Variants in COG5 observed in about 807,000 individuals in gnomAD.
COG5 encodes the protein component of oligomeric golgi complex 5.
COG5 carries 86 observed loss-of-function variants against 110.4 expected under a neutral mutation model. The ratio of observed to expected loss-of-function variants is 0.78; its 90% confidence interval spans 0.65 to 0.93. The LOEUF (loss-of-function observed/expected upper bound fraction) is 0.93. COG5 is among the 40% of genes least tolerant of loss of function. The pLI, the probability that COG5 is intolerant of heterozygous loss-of-function variation, is 0.00. For missense variants in COG5, 1,077 were observed against 987.0 expected (o/e 1.09, Z -1.22); for synonymous variants, 360 against 334.6 (o/e 1.08, Z -0.83).
At chr7:107,425,738 A>G (rs1793602741) in intron 6 of COG5, among the ~76,000 whole-genome samples, 1 of 152,222 alleles carries the variant, frequency 6.6e-6, no homozygotes, top group Non-Finnish European at 1.5e-5. Flanking sequence ...TGATAATACA[A>G]TAAGTCATCA....
chr7:107,264,694 AAAC>A (rs1262474269), intron 14 of COG5, among the ~76,000 whole-genome samples: 1 of 152,220 alleles, frequency 6.6e-6, no homozygotes, highest in African/African-American at 2.4e-5. Flanking sequence ...TCCTGTCTCA[AAAC>A]AACAACAAAA....
intron 10 of COG5, among the ~76,000 whole-genome samples, chr7:107,329,559 A>G (rs1016787728): frequency 6.6e-6 from 1 of 152,130 alleles, no homozygotes; most frequent in Admixed American, 6.6e-5. Context: ...ACCAAAATAT[A>G]AAAAGATAGA....
chr7:107,260,637 T>C (rs976675046), intron 14 of COG5, among the ~76,000 whole-genome samples: 3 of 151,960 alleles, frequency 2.0e-5, no homozygotes, highest in Non-Finnish European at 2.9e-5. Flanking sequence ...GTGAACCTTG[T>C]GAAAATGAAG....
chr7:107,300,953 C>T (rs918885704), intron 11 of COG5, among the ~76,000 whole-genome samples: 2 of 152,026 alleles, frequency 1.3e-5, no homozygotes, highest in African/African-American at 2.4e-5. Flanking sequence ...AAGACAGACA[C>T]ATAGATTAAT....
intron 6 of COG5, among the ~76,000 whole-genome samples, chr7:107,487,451 C>T (rs1797717204): frequency 6.6e-6 from 1 of 152,096 alleles, no homozygotes; most frequent in Non-Finnish European, 1.5e-5. Flanking sequence ...ATCCTCTCAC[C>T]TGGGACTCCC....
chr7:107,346,824 G>T (rs1180451716), intron 10 of COG5, among the ~76,000 whole-genome samples: 6 of 151,748 alleles, frequency 4.0e-5, no homozygotes, highest in African/African-American at 1.5e-4. Context: ...TTTACATTAG[G>T]TATATCTCCT....
intron 5 of COG5, among the ~76,000 whole-genome samples, chr7:107,545,779 C>CAA (rs59515448): frequency 1.6e-4 from 11 of 69,836 alleles, no homozygotes; most frequent in African/African-American, 1.8e-4. Flanking sequence ...GACTCCATCT[C>CAA]AAAAAAAAAA....
intron 14 of COG5, among the ~76,000 whole-genome samples, chr7:107,276,190 T>A (rs1804691101): frequency 6.6e-6 from 1 of 152,194 alleles, no homozygotes; most frequent in Non-Finnish European, 1.5e-5. Context: ...AACCATCAAA[T>A]AATGGTTACT....
At chr7:107,522,093 G>A (rs555771722) in intron 6 of COG5, among the ~76,000 whole-genome samples, 7 of 152,254 alleles carry the variant, frequency 4.6e-5, no homozygotes, top group African/African-American at 1.4e-4. Context: ...ACACAGGGAG[G>A]GGAACAACAC....
chr7:107,472,828 G>A (rs1342231124), intron 6 of COG5: 1 of 151,810 alleles, frequency 6.6e-6, no homozygotes, highest in African/African-American at 2.4e-5. Context: ...AATTTATGTT[G>A]AATATGATTT....
At chr7:107,435,339 T>C (rs1048169332) in intron 6 of COG5, among the ~76,000 whole-genome samples, 5 of 152,056 alleles carry the variant, frequency 3.3e-5, no homozygotes, top group South Asian at 2.1e-4. Flanking sequence ...AAGATAACAA[T>C]TGTTGAGGAG....
At chr7:107,428,745 G>C (rs1793816957) in intron 6 of COG5, among the ~76,000 whole-genome samples, 1 of 152,098 alleles carries the variant, frequency 6.6e-6, no homozygotes, top group Non-Finnish European at 1.5e-5. Flanking sequence ...TGAAGCTATA[G>C]ACCAAAAGAG....
At chr7:107,278,798 A>C (rs1804917674) in intron 14 of COG5, among the ~76,000 whole-genome samples, 1 of 152,202 alleles carries the variant, frequency 6.6e-6, no homozygotes, top group Non-Finnish European at 1.5e-5. Context: ...AAGATGGATT[A>C]AAGACTTAAA....
At chr7:107,329,316 CATAAAGAGAT>C (rs1473920228) in intron 10 of COG5, among the ~76,000 whole-genome samples, 2 of 151,720 alleles carry the variant, frequency 1.3e-5, no homozygotes, top group South Asian at 2.1e-4. Context: ...CCTTGGGAGA[CATAAAGAGAT>C]ATAAAGTAGA....
chr7:107,400,629 T>C (rs1397483508), intron 7 of COG5, among the ~76,000 whole-genome samples: 1 of 152,152 alleles, frequency 6.6e-6, no homozygotes, highest in Non-Finnish European at 1.5e-5. Context: ...TTCACATGAA[T>C]AACTGAAATG....
At chr7:107,334,698 G>A (rs1312714581) in intron 10 of COG5, among the ~76,000 whole-genome samples, 5 of 151,752 alleles carry the variant, frequency 3.3e-5, no homozygotes, top group African/African-American at 1.2e-4. Flanking sequence ...GCTTCAAAAA[G>A]GAAGAAGACA....
At chr7:107,554,179 G>A (rs2129176902) in intron 3 of COG5, 106 bp downstream of exon 3, 1 of 906,726 alleles carries the variant, frequency 1.1e-6, no homozygotes, top group East Asian at 2.5e-5. Flanking sequence ...AACAGAGACT[G>A]TATGGCTGGC....
At chr7:107,312,270 C>T (rs541470424) in intron 11 of COG5, among the ~76,000 whole-genome samples, 54 of 152,220 alleles carry the variant, frequency 3.5e-4, no homozygotes, top group Admixed American at 3.3e-4. Flanking sequence ...ATATTTAACA[C>T]TTTAGGGATC....
chr7:107,436,026 T>C (rs1224272386), intron 6 of COG5, among the ~76,000 whole-genome samples: 1 of 152,118 alleles, frequency 6.6e-6, no homozygotes, highest in Non-Finnish European at 1.5e-5. Context: ...TGATATTAAG[T>C]GAAATATGCA....
Sources: gnomAD v4.1 joint callset for allele counts (sites outside exome capture counted in the v4.1 genomes callset) on GRCh38, gnomAD v4.1.1 for gene constraint, MANE v1.5 for transcripts, NCBI Gene and HGNC (gene_info 2026-07-23, HGNC 2026-07-21) for gene names.